GAS6: variants seen among roughly 807,000 people sequenced by gnomAD.
The protein encoded by GAS6 is growth arrest specific 6.
GAS6 carries 41 observed loss-of-function variants against 75.8 expected under a neutral mutation model. The observed-to-expected ratio is 0.54, with a 90% CI of 0.42 to 0.70. The LOEUF (loss-of-function observed/expected upper bound fraction) is 0.70, where lower values mean the gene tolerates loss of function less well. GAS6 is among the 30% of genes least tolerant of loss of function. The pLI is 0.00. For synonymous variants in GAS6, 432 were observed against 412.6 expected, an observed-to-expected ratio of 1.05 and a Z score of -0.57; for missense variants, 854 against 940.2, an observed-to-expected ratio of 0.91 and a Z score of 1.20.
chr13:113,821,279 G>A (rs1233359126), intron 14 of GAS6: 14 of 533,412 alleles, frequency 2.6e-5, no homozygotes, highest in Admixed American at 2.2e-4. Context: ...TCGGTTAAAC[G>A]TGATCTTCTT....
Position 113,848,250 on chromosome 13 carries a change from T to C in GAS6, c.256-200A>G, listed in dbSNP as rs1441737313. 6.6e-6 allele frequency among the ~76,000 whole-genome samples: 1 copy of C among 152,122 alleles called. No individual in the cohort carries two copies. Among genetic ancestry groups the C allele is most frequent in the East Asian group, 1.9e-4 (1 of 5,160 alleles). On this transcript the variant is annotated intron_variant, in intron 2 of 14. Coordinates refer to ENST00000327773, the MANE Select transcript of GAS6 (RefSeq NM_000820.4). The surrounding 1 kb of genome is among the most constrained non-coding windows in gnomAD (Gnocchi z 4.8). ...AAAGGCAGGGCCATTTCCAGCTGCG[T>C]AGGAAGTGCTACCAGGTGTGTCCAG...
chr13:113,826,409 CGG>C (rs746934047), intron 12 of GAS6, among the ~76,000 whole-genome samples: 4,516 of 147,082 alleles, frequency 0.031, 1,164 homozygotes, highest in Non-Finnish European at 0.038. Flanking sequence ...CTTCTCTCCC[CGG>C]CCTCCCGGCG....
chr13:113,856,204 ACACCAG>A (rs1230107512), intron 2 of GAS6, among the ~76,000 whole-genome samples: 2 of 152,180 alleles, frequency 1.3e-5, no homozygotes, highest in African/African-American at 2.4e-5. Context: ...TTATGCGCCC[ACACCAG>A]CACCACTCAG....
chr13:113,834,799 G>C, intron 7 of GAS6, 127 bp from the exon 8 acceptor site: 1 of 1,082,550 alleles, frequency 9.2e-7, no homozygotes. Context: ...ATTCTAACGG[G>C]GGCGGCTTGG....
chr13:113,858,397 GAC>G (rs1171385416), intron 2 of GAS6, among the ~76,000 whole-genome samples: 1 of 151,184 alleles, frequency 6.6e-6, no homozygotes, highest in Non-Finnish European at 1.5e-5. Context: ...CAGTGTGTGT[GAC>G]TGTGTGTTTA....
intron 2 of GAS6, among the ~76,000 whole-genome samples, chr13:113,849,723 C>T (rs191350875): frequency 6.6e-6 from 1 of 152,198 alleles, no homozygotes; most frequent in Non-Finnish European, 1.5e-5. Context: ...AGGCATTATT[C>T]ATGGAAAAAC....
At position 113,863,484 on chromosome 13, in the gene GAS6, C is replaced by A. The variant is rs2051989810; in HGVS notation, c.255+91G>T. ...TGAGGCCAGGCCTCGCCGCGCGGAG[C>A]TGGGGGGCGGCAGCAGCGCTGCCTC... On this transcript the variant is annotated intron_variant, in intron 2 of 14. Coordinates refer to ENST00000327773, the MANE Select transcript of GAS6 (RefSeq NM_000820.4). The surrounding 1 kb of genome is among the most constrained non-coding windows in gnomAD (Gnocchi z 9.4). 7.6e-7 allele frequency: 1 copy of A among 1,307,964 alleles called. No homozygotes were observed. Among genetic ancestry groups the A allele is most frequent in the Non-Finnish European group, 9.9e-7 (1 of 1,007,052 alleles). 81.0% of individuals were successfully genotyped at this position (1,307,964 alleles called of 1,614,324 possible).
chr13:113,826,430 G>GGCTTCGC (rs2051541783), intron 12 of GAS6, among the ~76,000 whole-genome samples: 1 of 140,342 alleles, frequency 7.1e-6, no homozygotes, highest in Non-Finnish European at 1.6e-5. Context: ...CGCTGGCCTC[G>GGCTTCGC]CAGGCACCTT....
At position 113,832,447 on chromosome 13, in the gene GAS6, C is replaced by T. The variant is rs1320520368; in HGVS notation, c.995G>A (p.Gly332Asp). ...GTGGCCTCCGGCAAAGAGGAGGATG[C>T]CCTCGGGGTCAAAGGTCCGGAAGTC... ...EFDFRTFDPE[G>D]ILLFAGGHQD... is the part of the protein sequence containing the mutation. The change falls in exon 10 of 15, where the codon GGC becomes GAC. Residue 332 changes from glycine to aspartate, a missense_variant. Transcript: ENST00000327773. 6.2e-7 allele frequency: 1 copy of T among 1,607,556 alleles called. No homozygotes were observed. Among genetic ancestry groups the T allele is most frequent in the East Asian group, 2.2e-5 (1 of 44,730 alleles).
intron 8 of GAS6, chr13:113,833,441 C>T (rs575885263): frequency 2.0e-6 from 2 of 992,016 alleles, no homozygotes; most frequent in South Asian, 9.1e-5. Context: ...GTGACTCTTT[C>T]CACCTGTGGT....
chr13:113,855,869 C>T (rs1307627934), intron 2 of GAS6, among the ~76,000 whole-genome samples: 10 of 152,216 alleles, frequency 6.6e-5, no homozygotes, highest in Non-Finnish European at 2.9e-5. Flanking sequence ...TTCGGCCAGA[C>T]GACCAAGCTC....
At chr13:113,823,662 A>T in intron 12 of GAS6, 112 bp from the exon 13 acceptor site, 1 of 1,055,008 alleles carries the variant, frequency 9.5e-7, no homozygotes, top group Non-Finnish European at 1.4e-6. Context: ...AGCTGTGCAG[A>T]CAGCCCCGGA....
At chr13:113,851,602 GATGA>G (rs2051876627) in intron 2 of GAS6, among the ~76,000 whole-genome samples, 1 of 151,506 alleles carries the variant, frequency 6.6e-6, no homozygotes, top group African/African-American at 2.4e-5. Flanking sequence ...GATGGAGATG[GATGA>G]ATAAATGAAG....
In GAS6 at chr13:113,832,288, C is replaced by T. The variant is rs376044728; in HGVS notation, c.1143+11G>A. ...CGTGAGGCCTGGAAGGGGTGGCTGC[C>T]GCACACTCACTGTCTGCCACATGCC... On this transcript the variant is annotated intron_variant, in intron 10 of 14. Coordinates refer to ENST00000327773, the MANE Select transcript of GAS6 (RefSeq NM_000820.4). The T allele has an allele frequency of 7.0e-5, 112 of 1,595,512 alleles. No individual in the cohort carries two copies. Among genetic ancestry groups the T allele is most frequent in the African/African-American group, 4.9e-4 (37 of 74,854 alleles).
At chr13:113,835,261 G>A (rs140189829) in intron 7 of GAS6, among the ~76,000 whole-genome samples, 4 of 152,364 alleles carry the variant, frequency 2.6e-5, no homozygotes, top group East Asian at 3.9e-4. Flanking sequence ...GGGTACACAC[G>A]TGTGTACATG....
rs780504596 is a variant in GAS6 at position 113,837,676 on chromosome 13, G to T, written c.589+393C>A. ...TGGACAGAGGGAGACCAACAACGGG[G>T]TGCTTCTGGGGATGCTGGGGAGAGT... On this transcript the variant is annotated intron_variant, in intron 6 of 14. Coordinates refer to ENST00000327773, the MANE Select transcript of GAS6 (RefSeq NM_000820.4). This position sits in a 1 kb window ranked among gnomAD's most constrained non-coding sequence, Gnocchi z 5.1. 1.2e-4 allele frequency among the ~76,000 whole-genome samples: 19 copies of T among 152,262 alleles called. No individual in the cohort carries two copies. The highest frequency in any genetic ancestry group is 6.5e-4 in the Admixed American group (10 of 15,298).
At chr13:113,859,785 C>T (rs1012310380) in intron 2 of GAS6, among the ~76,000 whole-genome samples, 2 of 152,068 alleles carry the variant, frequency 1.3e-5, no homozygotes, top group Non-Finnish European at 2.9e-5. Flanking sequence ...TGTGCTGCAG[C>T]CTCTGTCAAG....
At chr13:113,821,721 C>T (rs2051461307) in intron 14 of GAS6, 2 of 528,508 alleles carry the variant, frequency 3.8e-6, no homozygotes, top group East Asian at 6.2e-5. Flanking sequence ...TGGGGCCTGA[C>T]TCAGGCCAAT....
At position 113,834,500 on chromosome 13, in the gene GAS6, G is replaced by A. The variant is rs537647858; in HGVS notation, c.834+51C>T. On this transcript the variant is annotated intron_variant, in intron 8 of 14. Coordinates refer to ENST00000327773, the MANE Select transcript of GAS6 (RefSeq NM_000820.4). ...GTTTCTCCCGAAAGCCCCCACCGGC[G>A]AGGGCCCCCGGAACCACCGTGAAGG... is the stretch of plus-strand genomic sequence containing the variant. The A allele has an allele frequency of 1.4e-4, 202 of 1,444,536 alleles. 1 individual carries two copies. In the East Asian group the frequency reaches 1.6e-3, roughly 11 times the overall value. The allele number at this position is 1,444,536 out of a possible 1,614,324, so 89.5% of individuals were successfully genotyped here.
Sources: allele counts gnomAD v4.1 joint callset (sites outside exome capture counted in the v4.1 genomes callset), GRCh38; gene constraint gnomAD v4.1.1; non-coding constraint Gnocchi (gnomAD v3.1); transcripts MANE v1.5; gene names NCBI Gene and HGNC (gene_info 2026-07-23, HGNC 2026-07-21).